CSMD1: variants seen among roughly 807,000 people sequenced by gnomAD.
The protein encoded by CSMD1 is CUB and Sushi multiple domains 1, also known as CUB and sushi domain-containing protein 1.
A neutral mutation model predicts 417.5 loss-of-function variants in CSMD1; 213 were observed. That is an observed-to-expected ratio of 0.51 (90% CI 0.46 to 0.57). The LOEUF (loss-of-function observed/expected upper bound fraction) is 0.57, where lower values mean the gene tolerates loss of function less well. Ranked by LOEUF, CSMD1 falls within the 20% of genes least tolerant of loss-of-function variation. The probability of loss-of-function intolerance (pLI) is 0.00; values close to 1 mark genes in which losing one functional copy is unlikely to be tolerated. For synonymous variants in CSMD1, 2,862 were observed against 1,736.8 expected, an observed-to-expected ratio of 1.65 and a Z score of -16.11; for missense variants, 6,923 against 4,529.7, an observed-to-expected ratio of 1.53 and a Z score of -15.17.
intron 3 of CSMD1, among the ~76,000 whole-genome samples, chr8:4,341,630 G>A (rs557003065): frequency 1.5e-3 from 234 of 152,250 alleles, no homozygotes; most frequent in African/African-American, 5.4e-3. Flanking sequence ...ACGGAAAAAT[G>A]TTTAGGATAT....
At chr8:3,431,120 G>A (rs1814193503) in intron 12 of CSMD1, among the ~76,000 whole-genome samples, 1 of 152,086 alleles carries the variant, frequency 6.6e-6, no homozygotes, top group African/African-American at 2.4e-5. Flanking sequence ...ATGAGAAAAT[G>A]AATATGGTTA....
At chr8:4,287,526 G>A (rs1210475755) in intron 3 of CSMD1, among the ~76,000 whole-genome samples, 1 of 152,052 alleles carries the variant, frequency 6.6e-6, no homozygotes, top group African/African-American at 2.4e-5. Context: ...ACATGTTGCA[G>A]CTTCCCATTA....
intron 1 of CSMD1, among the ~76,000 whole-genome samples, chr8:4,917,425 G>A (rs56340191): frequency 0.43 from 64,714 of 152,012 alleles, 14,727 homozygotes; most frequent in East Asian, 0.82. Flanking sequence ...ACAAGGTCAG[G>A]AGATCGAGAC....
intron 42 of CSMD1, among the ~76,000 whole-genome samples, chr8:3,114,062 C>A (rs986913531): frequency 3.6e-4 from 54 of 151,286 alleles, no homozygotes; most frequent in Non-Finnish European, 7.1e-4. Flanking sequence ...TTAAAACAAA[C>A]AAACAAACAA....
intron 3 of CSMD1, among the ~76,000 whole-genome samples, chr8:4,047,431 G>T (rs1016939608): frequency 6.6e-6 from 1 of 152,248 alleles, no homozygotes; most frequent in African/African-American, 2.4e-5. Context: ...AATTAAAATG[G>T]CATTTTTCCC....
intron 7 of CSMD1, among the ~76,000 whole-genome samples, chr8:3,663,005 T>G (rs149885362): frequency 4.0e-5 from 6 of 151,584 alleles, no homozygotes; most frequent in African/African-American, 1.5e-4. Flanking sequence ...TAAAGTAAAA[T>G]AAATAAATAA....
At chr8:3,550,780 C>CT (rs1263901001) in intron 10 of CSMD1, among the ~76,000 whole-genome samples, 4 of 152,232 alleles carry the variant, frequency 2.6e-5, no homozygotes, top group African/African-American at 7.2e-5. Flanking sequence ...TTCCCACATC[C>CT]TTCCTGGGTC....
intron 69 of CSMD1, among the ~76,000 whole-genome samples, chr8:2,939,872 G>C (rs1801744095): frequency 6.6e-6 from 1 of 152,324 alleles, no homozygotes. Context: ...TGAAGACCTG[G>C]CTAAAATGTT....
intron 6 of CSMD1, among the ~76,000 whole-genome samples, 186 bp from the exon 7 acceptor site, chr8:3,708,677 T>A (rs535394867): frequency 4.6e-5 from 7 of 152,268 alleles, no homozygotes; most frequent in African/African-American, 1.7e-4. Context: ...TGTGAGGCTA[T>A]CAAGCAGCAA....
chr8:4,739,364 C>G (rs574323053), intron 1 of CSMD1, among the ~76,000 whole-genome samples: 3 of 152,234 alleles, frequency 2.0e-5, no homozygotes, highest in East Asian at 1.9e-4. Flanking sequence ...GTAAACTTCA[C>G]AAATGTTCAG....
intron 5 of CSMD1, among the ~76,000 whole-genome samples, chr8:3,891,778 T>A (rs1035491339): frequency 1.3e-5 from 2 of 152,120 alleles, no homozygotes; most frequent in African/African-American, 2.4e-5. Flanking sequence ...CATAACGTCA[T>A]TACTATGTGA....
At chr8:4,560,192 T>G (rs1397283353) in intron 2 of CSMD1, among the ~76,000 whole-genome samples, 2 of 152,224 alleles carry the variant, frequency 1.3e-5, no homozygotes, top group Non-Finnish European at 2.9e-5. Context: ...AGTTCCATGC[T>G]GCAAGAAGCA....
chr8:4,197,776 G>A (rs1412891394), intron 3 of CSMD1, among the ~76,000 whole-genome samples: 1 of 152,150 alleles, frequency 6.6e-6, no homozygotes, highest in South Asian at 2.1e-4. Flanking sequence ...CTACTTGGGA[G>A]GCTGATATGG....
At chr8:4,005,006 G>C (rs534234993) in intron 4 of CSMD1, among the ~76,000 whole-genome samples, 3 of 152,032 alleles carry the variant, frequency 2.0e-5, no homozygotes, top group African/African-American at 4.8e-5. Context: ...AGCCTCCCTA[G>C]TGACTCTTAT....
At chr8:4,790,170 A>G (rs1205237725) in intron 1 of CSMD1, among the ~76,000 whole-genome samples, 1 of 152,224 alleles carries the variant, frequency 6.6e-6, no homozygotes, top group African/African-American at 2.4e-5. Flanking sequence ...AGTTCAACAT[A>G]ATAAGAATAT....
At chr8:4,870,221 ATCCC>A (rs1563636333) in intron 1 of CSMD1, among the ~76,000 whole-genome samples, 7 of 152,150 alleles carry the variant, frequency 4.6e-5, no homozygotes, top group Non-Finnish European at 1.0e-4. Context: ...GTCCTTCTTC[ATCCC>A]ACAACTCAAA....
intron 3 of CSMD1, among the ~76,000 whole-genome samples, chr8:4,406,284 A>G (rs1299965878): frequency 6.6e-6 from 1 of 152,144 alleles, no homozygotes; most frequent in Non-Finnish European, 1.5e-5. Flanking sequence ...GTGCAATTCA[A>G]ACAAAACAAA....
At chr8:4,398,408 T>TG (rs1804406564) in intron 3 of CSMD1, among the ~76,000 whole-genome samples, 1 of 147,774 alleles carries the variant, frequency 6.8e-6, no homozygotes, top group South Asian at 2.2e-4. Flanking sequence ...TTTTTTTTTT[T>TG]GTGAGATAGA....
Position 3,189,017 on chromosome 8 carries a change from A to T in CSMD1, c.5399-6T>A. 2 of 1,610,218 alleles carry T rather than the reference A, an allele frequency of 1.2e-6. 1 individual carries two copies. The highest frequency in any genetic ancestry group is 2.2e-5 in the South Asian group (2 of 90,314). On this transcript the variant is annotated splice_region_variant and splice_polypyrimidine_tract_variant and intron_variant, in intron 34 of 69. Coordinates refer to ENST00000635120, the MANE Select transcript of CSMD1 (RefSeq NM_033225.6). ...GAAATTGCCACTGCAGGGTACTAAA[A>T]GACACAACCATATGTCATGAAATAA...
Sources: allele counts gnomAD v4.1 joint callset (sites outside exome capture counted in the v4.1 genomes callset), GRCh38; gene constraint gnomAD v4.1.1; transcripts MANE v1.5; gene names NCBI Gene and HGNC (gene_info 2026-07-23, HGNC 2026-07-21).